The following DNAI4 variants were observed in gnomAD, a reference collection of about 807,000 sequenced individuals.
DNAI4 encodes the protein WD repeat domain 78.
In DNAI4, 85 loss-of-function variants were observed where a neutral mutation model predicts 105.8. The ratio of observed to expected loss-of-function variants is 0.80; its 90% CI spans 0.67 to 0.96. DNAI4 has a LOEUF of 0.96. Ranked by LOEUF, DNAI4 falls within the 40% of genes least tolerant of loss-of-function variation. DNAI4 has a pLI of 0.00. For synonymous variants in DNAI4, 352 were observed against 331.5 expected (o/e 1.06, Z -0.67); for missense variants, 1,014 against 1,005.6 (o/e 1.01, Z -0.11).
At chr1:66,866,268 TG>T (rs991249978) in intron 6 of DNAI4, among the ~76,000 whole-genome samples, 25 of 149,846 alleles carry the variant, frequency 1.7e-4, no homozygotes, top group African/African-American at 5.9e-4. Flanking sequence ...GATTGCACCA[TG>T]GCACTCCAGC....
intron 3 of DNAI4, 142 bp downstream of exon 3, chr1:66,893,085 GAA>G (rs1207596339): frequency 2.5e-6 from 1 of 396,732 alleles, no homozygotes; most frequent in Non-Finnish European, 4.4e-6. Flanking sequence ...AAGAAAGAAA[GAA>G]AGAAAGAAAG....
At chr1:66,838,539 A>G (rs1646079175) in intron 9 of DNAI4, among the ~76,000 whole-genome samples, 1 of 152,256 alleles carries the variant, frequency 6.6e-6, no homozygotes, top group African/African-American at 2.4e-5. Context: ...GCTACCTAAT[A>G]CAGGAGGTCA....
chr1:66,835,056 T>C (rs1264127087), intron 11 of DNAI4, among the ~76,000 whole-genome samples: 1 of 152,164 alleles, frequency 6.6e-6, no homozygotes, highest in East Asian at 1.9e-4. Context: ...TTTCCTCATA[T>C]GACTCATTTA....
At chr1:66,859,733 T>C (rs1204946761) in intron 7 of DNAI4, among the ~76,000 whole-genome samples, 1 of 152,004 alleles carries the variant, frequency 6.6e-6, no homozygotes, top group Non-Finnish European at 1.5e-5. Flanking sequence ...TCCAACTATA[T>C]GACAATGTGG....
intron 7 of DNAI4, 44 bp from the exon 8 acceptor site, chr1:66,847,722 A>C (rs773021628): frequency 7.1e-7 from 1 of 1,405,930 alleles, no homozygotes; most frequent in Non-Finnish European, 9.8e-7. Flanking sequence ...ATTCAAATGG[A>C]TGGTTCATAC....
At chr1:66,861,997 C>T (rs369263024) in intron 7 of DNAI4, 150 bp downstream of exon 7, 2 of 731,904 alleles carry the variant, frequency 2.7e-6, no homozygotes, top group Non-Finnish European at 2.1e-6. Flanking sequence ...AAGTCCAAGA[C>T]CATGTGATAG....
At chr1:66,838,987 T>A (rs992080570) in intron 9 of DNAI4, among the ~76,000 whole-genome samples, 1 of 152,224 alleles carries the variant, frequency 6.6e-6, no homozygotes, top group Non-Finnish European at 1.5e-5. Context: ...TACAATGAAT[T>A]AATAAACATA....
rs545467992 is a variant in DNAI4 at position 66,919,093 on chromosome 1, T to C, written c.170+5569A>G. 376 of 444,862 alleles carry C rather than the reference T, an allele frequency of 8.5e-4. 2 individuals carry two copies. The highest frequency in any genetic ancestry group is 1.1e-3 in the Non-Finnish European group (253 of 220,138). 27.6% of individuals were successfully genotyped at this position (444,862 alleles called of 1,614,324 possible). ...ATGGAACCAATGTACTTCTTACATA[T>C]ATTGATTGATGTCTCATGCCTCCCT... On this transcript the variant is annotated intron_variant, in intron 1 of 16. Coordinates refer to ENST00000371026, the MANE Select transcript of DNAI4 (RefSeq NM_024763.5).
At chr1:66,875,017 C>T in intron 4 of DNAI4, 80 bp from the exon 5 acceptor site, 1 of 1,250,856 alleles carries the variant, frequency 8.0e-7, no homozygotes, top group African/African-American at 1.5e-5. Context: ...ACCAATATAC[C>T]ATAATGGGTA....
chr1:66,816,428 A>G (rs1645516646), intron 16 of DNAI4, among the ~76,000 whole-genome samples: 1 of 152,160 alleles, frequency 6.6e-6, no homozygotes, highest in African/African-American at 2.4e-5. Flanking sequence ...TTACTTGACA[A>G]GATATCTTGG....
At chr1:66,838,478 T>A (rs185880661) in intron 9 of DNAI4, among the ~76,000 whole-genome samples, 1 of 152,278 alleles carries the variant, frequency 6.6e-6, no homozygotes, top group Non-Finnish European at 1.5e-5. Context: ...AGAAAATAAA[T>A]TGCTGTTCTT....
At chr1:66,868,911 A>C (rs2100644943) in intron 6 of DNAI4, among the ~76,000 whole-genome samples, 1 of 152,024 alleles carries the variant, frequency 6.6e-6, no homozygotes, top group East Asian at 1.9e-4. Context: ...TCCCGTCTCT[A>C]CTAAAAATAC....
In DNAI4 at chr1:66,822,520, G is replaced by A; in HGVS notation, c.2340-3C>T. On this transcript the variant is annotated splice_region_variant and splice_polypyrimidine_tract_variant and intron_variant, in intron 15 of 16. Transcript: ENST00000371026. ...TATTCACAATCAGAGGGTCCAAACT[G>A]TAATGAAATATTTTATTTGTAAATT... 6.4e-7 allele frequency: 1 copy of A among 1,571,444 alleles called. No homozygotes were observed. The highest frequency in any genetic ancestry group is 1.4e-5 in the African/African-American group (1 of 73,178).
intron 1 of DNAI4, among the ~76,000 whole-genome samples, chr1:66,912,971 CT>C (rs201830394): frequency 1.8e-4 from 27 of 152,072 alleles, no homozygotes; most frequent in South Asian, 2.1e-4. Flanking sequence ...GTACAACTCC[CT>C]TTTTTTTGGA....
chr1:66,871,586 C>A, intron 5 of DNAI4, 77 bp from the exon 6 acceptor site: 1 of 1,350,636 alleles, frequency 7.4e-7, no homozygotes, highest in Non-Finnish European at 9.8e-7. Context: ...TTATTCTTTT[C>A]CCTAAAATTA....
chr1:66,854,700 C>A (rs1451593290), intron 7 of DNAI4, among the ~76,000 whole-genome samples: 2 of 152,076 alleles, frequency 1.3e-5, no homozygotes, highest in African/African-American at 4.8e-5. Context: ...TATTCGGGAG[C>A]TGAGGCAGGA....
At chr1:66,914,762 T>A (rs187552119) in intron 1 of DNAI4, among the ~76,000 whole-genome samples, 8 of 152,278 alleles carry the variant, frequency 5.3e-5, no homozygotes, top group Non-Finnish European at 1.0e-4. Context: ...TCTATTTGCA[T>A]GCCTAATATG....
intron 1 of DNAI4, among the ~76,000 whole-genome samples, chr1:66,915,924 C>A (rs1223688361): frequency 3.9e-5 from 6 of 151,964 alleles, no homozygotes. Context: ...GAGTTTGAGA[C>A]CAGTCTGGCC....
chr1:66,852,530 T>C (rs529414983), intron 7 of DNAI4, among the ~76,000 whole-genome samples: 4 of 152,154 alleles, frequency 2.6e-5, no homozygotes, highest in African/African-American at 4.8e-5. Context: ...CAATGACCAA[T>C]TGAAGTTTAT....
Sources: allele counts gnomAD v4.1 joint callset (sites outside exome capture counted in the v4.1 genomes callset), GRCh38; gene constraint gnomAD v4.1.1; transcripts MANE v1.5; gene names NCBI Gene and HGNC (gene_info 2026-07-23, HGNC 2026-07-21).